CFAP54: variants seen among roughly 807,000 people sequenced by gnomAD.
The protein encoded by CFAP54 is cilia- and flagella-associated protein 54.
Under a neutral mutation model 370.4 loss-of-function variants are expected in CFAP54, and 290 were observed. The ratio of observed to expected loss-of-function variants is 0.78; its 90% confidence interval spans 0.71 to 0.86. The LOEUF (loss-of-function observed/expected upper bound fraction) is 0.86. CFAP54 is among the 40% of genes least tolerant of loss of function. The pLI, the probability that CFAP54 is intolerant of heterozygous loss-of-function variation, is 0.00. For synonymous variants in CFAP54, 1,206 were observed against 1,236.5 expected (o/e 0.98, Z 0.52); for missense variants, 3,399 against 3,528.7 (o/e 0.96, Z 0.93).
At chr12:96,559,558 T>C (rs1398843647) in intron 17 of CFAP54, among the ~76,000 whole-genome samples, 3 of 152,222 alleles carry the variant, frequency 2.0e-5, no homozygotes, top group Non-Finnish European at 2.9e-5. Flanking sequence ...CCACGTTTAC[T>C]GTCTTTCTCT....
At position 96,625,785 on chromosome 12, in the gene CFAP54, G is replaced by T; in HGVS notation, c.3954G>T (p.Ser1318=). The change falls in exon 29 of 68, where the codon TCG becomes TCT. Residue 1318 remains serine, a synonymous_variant. Transcript: ENST00000524981. ...IFLYPVVLNW[S]VKGAVKEVMK... is the part of the protein sequence containing the mutation. ...TTTATCCTGTAGTTTTGAATTGGTC[G>T]GTCAAAGGTGCCGTGAAAGAAGGTA... 1.3e-6 allele frequency: 2 copies of T among 1,535,494 alleles called. No individual in the cohort carries two copies. The highest frequency in any genetic ancestry group is 1.7e-6 in the Non-Finnish European group (2 of 1,146,524).
intron 63 of CFAP54, among the ~76,000 whole-genome samples, chr12:96,797,590 T>G (rs1228218078): frequency 6.6e-6 from 1 of 152,100 alleles, no homozygotes; most frequent in Non-Finnish European, 1.5e-5. Context: ...AGTACTTTTC[T>G]TAATTATGCT....
chr12:96,566,114 GT>G (rs1455125158), intron 19 of CFAP54, among the ~76,000 whole-genome samples: 3 of 152,168 alleles, frequency 2.0e-5, no homozygotes, highest in African/African-American at 7.2e-5. Flanking sequence ...ATGCAAAACT[GT>G]GAGCCTCTTT....
intron 30 of CFAP54, among the ~76,000 whole-genome samples, chr12:96,629,671 T>C (rs1956585496): frequency 1.3e-5 from 1 of 76,306 alleles, no homozygotes; most frequent in African/African-American, 4.4e-5. Context: ...AATAGGCATT[T>C]AAATCTTCCT....
chr12:96,669,870 G>A (rs1957124603), intron 39 of CFAP54, among the ~76,000 whole-genome samples: 1 of 152,276 alleles, frequency 6.6e-6, no homozygotes, highest in African/African-American at 2.4e-5. Context: ...GTTTGGATGA[G>A]GTCACCCAGG....
At chr12:96,752,248 G>C (rs1958195226) in intron 55 of CFAP54, among the ~76,000 whole-genome samples, 2 of 152,288 alleles carry the variant, frequency 1.3e-5, no homozygotes, top group South Asian at 4.1e-4. Flanking sequence ...CTTGGAATTA[G>C]AAAATTTCAG....
At chr12:96,612,248 A>G (rs1305618846) in intron 26 of CFAP54, among the ~76,000 whole-genome samples, 2 of 152,250 alleles carry the variant, frequency 1.3e-5, no homozygotes, top group African/African-American at 4.8e-5. Context: ...ATTCTTAAAG[A>G]AAAGAATTTT....
At chr12:96,782,371 G>GA (rs1958588556) in intron 60 of CFAP54, among the ~76,000 whole-genome samples, 2 of 151,960 alleles carry the variant, frequency 1.3e-5, no homozygotes, top group Admixed American at 6.6e-5. Context: ...TGGGAAAGTA[G>GA]AAAAAAACCA....
chr12:96,843,402 C>A (rs1959246592), intron 66 of CFAP54, among the ~76,000 whole-genome samples: 1 of 152,160 alleles, frequency 6.6e-6, no homozygotes, highest in Non-Finnish European at 1.5e-5. Flanking sequence ...AGATTCCAAT[C>A]CCTGACGTTT....
chr12:96,569,503 G>A (rs1022627621), intron 19 of CFAP54, among the ~76,000 whole-genome samples: 2 of 152,174 alleles, frequency 1.3e-5, no homozygotes, highest in Admixed American at 6.5e-5. Context: ...CATTATAACT[G>A]TGTTTCGTAG....
At chr12:96,871,135 G>T (rs1025304376) in intron 67 of CFAP54, among the ~76,000 whole-genome samples, 5 of 152,144 alleles carry the variant, frequency 3.3e-5, no homozygotes, top group Admixed American at 2.0e-4. Flanking sequence ...AAAACTGTTG[G>T]CTGACTACCA....
At chr12:96,818,820 T>C (rs898204498) in intron 65 of CFAP54, among the ~76,000 whole-genome samples, 4 of 152,212 alleles carry the variant, frequency 2.6e-5, no homozygotes, top group Non-Finnish European at 4.4e-5. Context: ...GTCACTCCAC[T>C]CTTTTGTGGG....
intron 63 of CFAP54, among the ~76,000 whole-genome samples, chr12:96,796,597 A>G (rs972056774): frequency 3.3e-5 from 5 of 152,114 alleles, no homozygotes; most frequent in Non-Finnish European, 7.4e-5. Flanking sequence ...TTGGGCCAAT[A>G]TCTTCTCTGG....
chr12:96,814,879 A>G (rs1195740950), intron 64 of CFAP54, among the ~76,000 whole-genome samples: 1 of 152,216 alleles, frequency 6.6e-6, no homozygotes, highest in Non-Finnish European at 1.5e-5. Flanking sequence ...TGCAGAGGAC[A>G]TGAACTCACT....
rs1216076312 is a variant in CFAP54, at chr12:96,756,511, G to C, written c.7894G>C (p.Glu2632Gln). The change falls in exon 57 of 68, where the codon GAG becomes CAG. Residue 2632 changes from glutamate (E) to glutamine (Q), a missense_variant. Glu to Gln is a conservative substitution (Grantham distance 29). Coordinates refer to ENST00000524981, the MANE Select transcript of CFAP54 (RefSeq NM_001306084.2). ...MEEKSPSFQLESLYEAIQLSL... is the reference protein window; with the variant it reads ...MEEKSPSFQLQSLYEAIQLSL... ...AGAGAAATCTCCAAGTTTTCAACTT[G>C]AGAGTTTATATGAAGCTATACAACT... is the stretch of plus-strand genomic sequence containing the variant. The C allele has an allele frequency of 3.9e-5, 62 of 1,604,752 alleles. No homozygotes were observed. The highest frequency in any genetic ancestry group is 5.3e-5 in the Non-Finnish European group (62 of 1,176,920).
At chr12:96,855,854 T>G (rs926266462) in intron 66 of CFAP54, among the ~76,000 whole-genome samples, 1 of 152,346 alleles carries the variant, frequency 6.6e-6, no homozygotes, top group Admixed American at 6.5e-5. Flanking sequence ...AGTGCCCCAG[T>G]GGGACTCTGT....
At chr12:96,836,881 G>C (rs371537960) in intron 66 of CFAP54, among the ~76,000 whole-genome samples, 10 of 152,268 alleles carry the variant, frequency 6.6e-5, no homozygotes, top group African/African-American at 2.2e-4. Context: ...AGACTATAGT[G>C]CAGTGGTGTG....
At chr12:96,766,095 A>T (rs1958399531) in intron 60 of CFAP54, among the ~76,000 whole-genome samples, 1 of 152,148 alleles carries the variant, frequency 6.6e-6, no homozygotes, top group Admixed American at 6.5e-5. Context: ...TTTGGGAGTG[A>T]TCTTCCTAAT....
chr12:96,504,350 TATC>T (rs1040520905), intron 3 of CFAP54, among the ~76,000 whole-genome samples: 1 of 152,190 alleles, frequency 6.6e-6, no homozygotes, highest in Non-Finnish European at 1.5e-5. Flanking sequence ...TACATACTAT[TATC>T]CCTATTTTAC....
Sources: allele counts gnomAD v4.1 joint callset (sites outside exome capture counted in the v4.1 genomes callset), GRCh38; gene constraint gnomAD v4.1.1; transcripts MANE v1.5; gene names NCBI Gene and HGNC (gene_info 2026-07-23, HGNC 2026-07-21).